TSPEAR: variants seen among roughly 807,000 people sequenced by gnomAD.
The protein encoded by TSPEAR is thrombospondin type laminin G domain and EAR repeats.
TSPEAR carries 69 observed loss-of-function variants against 71.6 expected under a neutral mutation model. That is an observed-to-expected ratio of 0.96 (90% CI 0.79 to 1.18). The LOEUF (loss-of-function observed/expected upper bound fraction) is 1.18, where lower values mean the gene tolerates loss of function less well. TSPEAR is among the 50% of genes most tolerant of loss of function. The pLI is 0.00. For synonymous variants in TSPEAR, 402 were observed against 387.2 expected (o/e 1.04, Z -0.45); for missense variants, 971 against 894.9 (o/e 1.09, Z -1.09).
At chr21:44,692,556 T>C (rs1555949879) in intron 1 of TSPEAR, among the ~76,000 whole-genome samples, 1 of 152,140 alleles carries the variant, frequency 6.6e-6, no homozygotes, top group Admixed American at 6.5e-5. Context: ...CATGTTTCTA[T>C]ACACCAGCAA....
intron 1 of TSPEAR, among the ~76,000 whole-genome samples, chr21:44,671,645 A>C (rs1356514769): frequency 6.6e-6 from 1 of 152,224 alleles, no homozygotes; most frequent in Non-Finnish European, 1.5e-5. Flanking sequence ...TGCACCCAGA[A>C]TCATAGCTAA....
chr21:44,616,431 C>T (rs976175070), intron 1 of TSPEAR, among the ~76,000 whole-genome samples: 4 of 152,200 alleles, frequency 2.6e-5, no homozygotes, highest in Admixed American at 6.5e-5. Flanking sequence ...GCCCAAATGT[C>T]ACAGGTGTGC....
At chr21:44,569,143 G>A (rs17004672) in intron 1 of TSPEAR, among the ~76,000 whole-genome samples, 2,724 of 152,320 alleles carry the variant, frequency 0.018, 76 homozygotes, top group African/African-American at 0.061. Context: ...CACAGCTGCA[G>A]TGAGACTTCG....
intron 8 of TSPEAR, among the ~76,000 whole-genome samples, chr21:44,524,220 C>CA (rs1393613257): frequency 7.0e-6 from 1 of 143,244 alleles, no homozygotes; most frequent in African/African-American, 3.0e-5. Flanking sequence ...CTCCATCAGT[C>CA]AGTCAGTCAG....
intron 1 of TSPEAR, among the ~76,000 whole-genome samples, chr21:44,617,227 G>A (rs935783949): frequency 5.3e-5 from 8 of 152,258 alleles, no homozygotes; most frequent in African/African-American, 1.7e-4. Context: ...GGTGGGACAT[G>A]GGGGGACACT....
intron 1 of TSPEAR, among the ~76,000 whole-genome samples, chr21:44,628,831 A>G (rs1310285629): frequency 3.3e-5 from 5 of 151,978 alleles, no homozygotes; most frequent in Non-Finnish European, 7.4e-5. Context: ...TCCTGTGGAC[A>G]CTCACAGACG....
intron 2 of TSPEAR, among the ~76,000 whole-genome samples, chr21:44,547,871 C>G (rs951789495): frequency 6.6e-6 from 1 of 152,172 alleles, no homozygotes; most frequent in African/African-American, 2.4e-5. Flanking sequence ...CAGAGGTGAG[C>G]ACTGAGAGCT....
rs187915523 is a variant in TSPEAR, at chr21:44,663,211, C to T, written c.82+48222G>A. On this transcript the variant is annotated intron_variant, in intron 1 of 11. Transcript: ENST00000323084. The stretch of plus-strand genomic sequence containing the variant: ...TGAATAAGCATCTAGCCAGACTGAG[C>T]GGTAAAATTATAATAAAAAGAAAAA... 5.2e-4 allele frequency among the ~76,000 whole-genome samples: 78 copies of T among 149,990 alleles called. No individual in the cohort carries two copies. In the East Asian group the frequency reaches 5.6e-3, roughly 11 times the overall value.
At chr21:44,660,680 C>G (rs12106369) in intron 1 of TSPEAR, among the ~76,000 whole-genome samples, 108,242 of 152,248 alleles carry the variant, frequency 0.71, 38,839 homozygotes, top group African/African-American at 0.8. Context: ...AAAAGACCAC[C>G]TCTTGGCTGG....
rs199514204 is a variant in TSPEAR at position 44,558,297 on chromosome 21, G to C, written c.303+9488C>G. 3.4e-4 allele frequency: 546 copies of C among 1,614,018 alleles called. 1 individual carries two copies. The highest frequency in any genetic ancestry group is 3.9e-4 in the Non-Finnish European group (464 of 1,179,998). ...GGTGCAGCAAGCCGGCTGGCGGCTA[G>C]ACTGCTGGCAGCATGAAGAGGAAGC... On this transcript the variant is annotated intron_variant, in intron 2 of 11. Coordinates refer to ENST00000323084, the MANE Select transcript of TSPEAR (RefSeq NM_144991.3).
intron 2 of TSPEAR, among the ~76,000 whole-genome samples, chr21:44,542,746 A>G (rs2053241541): frequency 2.7e-5 from 4 of 150,564 alleles, no homozygotes; most frequent in African/African-American, 9.7e-5. Flanking sequence ...ACCTGTTAAA[A>G]AAAAAAAAAA....
At chr21:44,646,537 T>C in intron 1 of TSPEAR, 1 of 1,612,688 alleles carries the variant, frequency 6.2e-7, no homozygotes, top group East Asian at 2.2e-5. Context: ...AGAGAGCTGC[T>C]GTGAGCCCCC....
At chr21:44,547,503 A>G (rs587705272) in intron 2 of TSPEAR, among the ~76,000 whole-genome samples, 1 of 152,200 alleles carries the variant, frequency 6.6e-6, no homozygotes, top group African/African-American at 2.4e-5. Flanking sequence ...TCTGGGTATC[A>G]GGTTCTCCTC....
At chr21:44,579,699 C>T (rs1247410049) in intron 1 of TSPEAR, 1 of 1,562,706 alleles carries the variant, frequency 6.4e-7, no homozygotes, top group South Asian at 1.2e-5. Flanking sequence ...TAACCCGAGT[C>T]AGGACCAGTT....
Position 44,646,402 on chromosome 21 carries a change from A to ACACACT in TSPEAR, c.82+65030_82+65031insAGTGTG, listed in dbSNP as rs1569238152. On this transcript the variant is annotated intron_variant, in intron 1 of 11. Transcript: ENST00000323084. The stretch of plus-strand genomic sequence containing the variant: ...CTGAGCACCTCACTCACTCACTCAC[A>ACACACT]CACACACTCACACACTCACTTACAC... 53 of 1,553,316 alleles carry ACACACT rather than the reference A, an allele frequency of 3.4e-5. 1 individual carries two copies. Among genetic ancestry groups the ACACACT allele is most frequent in the African/African-American group, 2.8e-4 (21 of 73,694 alleles).
chr21:44,590,118 C>T (rs1555926239), intron 1 of TSPEAR, among the ~76,000 whole-genome samples: 7 of 152,256 alleles, frequency 4.6e-5, no homozygotes, highest in Non-Finnish European at 1.5e-5. Context: ...CAGGGAGCTC[C>T]ATGGGGTGGG....
At chr21:44,625,739 C>A (rs1982730383) in intron 1 of TSPEAR, among the ~76,000 whole-genome samples, 1 of 152,252 alleles carries the variant, frequency 6.6e-6, no homozygotes, top group African/African-American at 2.4e-5. Flanking sequence ...GCAGGGCCAC[C>A]ACTGTGGGGC....
chr21:44,707,310 G>T (rs1987979172), intron 1 of TSPEAR, among the ~76,000 whole-genome samples: 1 of 151,926 alleles, frequency 6.6e-6, no homozygotes, highest in South Asian at 2.1e-4. Context: ...GGTGGGGGGG[G>T]GTGCGGGGAG....
intron 1 of TSPEAR, chr21:44,575,491 G>A (rs1329149211): frequency 5.8e-6 from 1 of 171,928 alleles, no homozygotes; most frequent in African/African-American, 2.4e-5. Context: ...GGGGCGTGTG[G>A]TTCCCAGGGG....
Sources: gnomAD v4.1 joint callset for allele counts (sites outside exome capture counted in the v4.1 genomes callset) on GRCh38, gnomAD v4.1.1 for gene constraint, MANE v1.5 for transcripts, NCBI Gene and HGNC (gene_info 2026-07-23, HGNC 2026-07-21) for gene names.